Variants in RNLS observed in about 807,000 individuals in gnomAD.
RNLS encodes renalase.
In RNLS, 39 loss-of-function variants were observed where a neutral mutation model predicts 39.8. That is an observed-to-expected ratio of 0.98 (90% CI 0.76 to 1.28). The LOEUF (loss-of-function observed/expected upper bound fraction) is 1.28. Ranked by LOEUF, RNLS falls within the 50% of genes most tolerant of loss-of-function variation. RNLS has a pLI of 0.00. For missense variants in RNLS, 410 were observed against 413.3 expected (o/e 0.99, Z 0.07); for synonymous variants, 147 against 150.7 (o/e 0.98, Z 0.18).
chr10:88,484,419 T>A (rs1386136681), intron 4 of RNLS, among the ~76,000 whole-genome samples: 1 of 151,982 alleles, frequency 6.6e-6, no homozygotes, highest in Non-Finnish European at 1.5e-5. Context: ...CTATTATCAA[T>A]CCTCACTCAT....
chr10:88,575,200 A>AC (rs1277527534), intron 3 of RNLS, among the ~76,000 whole-genome samples: 4 of 35,352 alleles, frequency 1.1e-4, no homozygotes, highest in Admixed American at 3.1e-4. Context: ...TATATACTAT[A>AC]TATATATGTG....
the RNLS span, among the ~76,000 whole-genome samples, chr10:88,244,569 G>C: frequency 6.6e-6 from 1 of 152,124 alleles, no homozygotes; most frequent in African/African-American, 2.4e-5. Context: ...GTGTAAAACA[G>C]CTACAAAAAA....
the RNLS span, among the ~76,000 whole-genome samples, chr10:88,211,241 A>G: frequency 3.9e-5 from 6 of 152,280 alleles, no homozygotes; most frequent in East Asian, 1.2e-3. Context: ...CCTGTCATTC[A>G]AGGCCCACTA....
chr10:88,396,377 T>C (rs115077644), intron 4 of RNLS, among the ~76,000 whole-genome samples: 4,503 of 151,956 alleles, frequency 0.03, 181 homozygotes, highest in South Asian at 0.12. Context: ...TGGTATACTA[T>C]TGAAATTAAG....
rs573068478 is a variant in RNLS at position 88,443,511 on chromosome 10, C to T, written c.527-80786G>A. Among the ~76,000 whole-genome samples the T allele has an allele frequency of 7.5e-4, 114 of 152,286 alleles. 1 individual carries two copies. Among genetic ancestry groups the T allele is most frequent in the South Asian group, 6.8e-3 (33 of 4,822 alleles). ...ACACCGAGCGTGAGCCGAAGCAGGG[C>T]GAGGCATCACCTCACCCGGGAAGTG... On this transcript the variant is annotated intron_variant, in intron 4 of 6. Transcript: ENST00000331772.
intron 4 of RNLS, among the ~76,000 whole-genome samples, chr10:88,520,628 C>A (rs144419574): frequency 1.3e-5 from 2 of 152,152 alleles, no homozygotes; most frequent in Non-Finnish European, 2.9e-5. Flanking sequence ...TCTTCCACAT[C>A]TCACACATAT....
At chr10:88,346,096 A>C (rs1397402154) in intron 5 of RNLS, among the ~76,000 whole-genome samples, 1 of 152,076 alleles carries the variant, frequency 6.6e-6, no homozygotes, top group Non-Finnish European at 1.5e-5. Context: ...TTCTGATATA[A>C]AAAGAGAGAT....
At chr10:88,289,159 A>G (rs993616909) in intron 6 of RNLS, among the ~76,000 whole-genome samples, 6 of 152,188 alleles carry the variant, frequency 3.9e-5, no homozygotes, top group Admixed American at 2.6e-4. Flanking sequence ...ATAAAGCTGA[A>G]GAAGTGGTTT....
chr10:88,508,821 A>C (rs775282584), intron 4 of RNLS, among the ~76,000 whole-genome samples: 1 of 152,266 alleles, frequency 6.6e-6, no homozygotes, highest in African/African-American at 2.4e-5. Context: ...GGAAAAAAAA[A>C]GAAACATTAG....
chr10:88,438,684 C>A (rs146204562), intron 4 of RNLS, among the ~76,000 whole-genome samples: 215 of 152,270 alleles, frequency 1.4e-3, no homozygotes, highest in African/African-American at 4.9e-3. Context: ...TGCCTTTAAA[C>A]AGCTGGCATA....
chr10:88,244,881 T>C, the RNLS span, among the ~76,000 whole-genome samples: 4 of 151,992 alleles, frequency 2.6e-5, no homozygotes, highest in African/African-American at 9.7e-5. Context: ...GGAACCTCCA[T>C]AGAAAAAAAG....
At chr10:88,258,093 C>T in the RNLS span, among the ~76,000 whole-genome samples, 3 of 152,242 alleles carry the variant, frequency 2.0e-5, no homozygotes, top group South Asian at 2.1e-4. Flanking sequence ...CCAGTTTCCT[C>T]GTCTCTGAGA....
chr10:88,419,620 C>T (rs938175064), intron 4 of RNLS, among the ~76,000 whole-genome samples: 12 of 151,908 alleles, frequency 7.9e-5, no homozygotes, highest in Non-Finnish European at 5.9e-5. Flanking sequence ...ATTCAGTTGC[C>T]TTTTGAAAAA....
At chr10:88,294,346 T>G (rs781022747) in intron 6 of RNLS, among the ~76,000 whole-genome samples, 2 of 152,150 alleles carry the variant, frequency 1.3e-5, no homozygotes, top group Non-Finnish European at 2.9e-5. Flanking sequence ...GAAAAAGATA[T>G]AACTTCAGTG....
chr10:88,311,783 G>GA (rs775671007), intron 6 of RNLS, among the ~76,000 whole-genome samples: 1 of 152,092 alleles, frequency 6.6e-6, no homozygotes, highest in African/African-American at 2.4e-5. Context: ...ATGAAAAAAT[G>GA]AAAAAACATT....
At chr10:88,228,413 T>C in the RNLS span, among the ~76,000 whole-genome samples, 4 of 152,188 alleles carry the variant, frequency 2.6e-5, no homozygotes, top group Non-Finnish European at 4.4e-5. Context: ...GCACAGGCTT[T>C]TCCCTGCCTC....
intron 4 of RNLS, among the ~76,000 whole-genome samples, chr10:88,429,769 T>C (rs1052724711): frequency 3.3e-5 from 5 of 151,846 alleles, no homozygotes; most frequent in African/African-American, 1.2e-4. Flanking sequence ...GCCTTCCAAT[T>C]ACTCCAGCAC....
chr10:88,300,539 C>G (rs1451801301), intron 6 of RNLS, among the ~76,000 whole-genome samples: 1 of 152,208 alleles, frequency 6.6e-6, no homozygotes, highest in South Asian at 2.1e-4. Flanking sequence ...CAAGTGACAT[C>G]TTCTTTTAGG....
chr10:88,462,656 G>T (rs1842990203), intron 4 of RNLS, among the ~76,000 whole-genome samples: 1 of 151,934 alleles, frequency 6.6e-6, no homozygotes, highest in Non-Finnish European at 1.5e-5. Flanking sequence ...TACAATAGAG[G>T]CATGTACTTA....
Sources: allele counts gnomAD v4.1 joint callset (sites outside exome capture counted in the v4.1 genomes callset), GRCh38; gene constraint gnomAD v4.1.1; transcripts MANE v1.5; gene names NCBI Gene and HGNC (gene_info 2026-07-23, HGNC 2026-07-21).